Variants in GRAMD1A observed in about 807,000 individuals in gnomAD.
The protein encoded by GRAMD1A is protein Aster-A.
GRAMD1A carries 50 observed loss-of-function variants against 92.0 expected under a neutral mutation model. The observed-to-expected ratio is 0.54, with a 90% CI of 0.43 to 0.69. GRAMD1A has a LOEUF of 0.69. Among genes scored for constraint, GRAMD1A ranks in the 30% least tolerant of loss-of-function variants. The pLI, the probability that GRAMD1A is intolerant of heterozygous loss-of-function variation, is 0.00. For synonymous variants in GRAMD1A, 405 were observed against 403.6 expected (o/e 1.00, Z -0.04); for missense variants, 819 against 978.9 (o/e 0.84, Z 2.18).
chr19:35,022,082 CCTCCTGG>C, intron 16 of GRAMD1A, 44 bp downstream of exon 16: 1 of 1,429,016 alleles, frequency 7.0e-7, no homozygotes, highest in East Asian at 2.3e-5. Flanking sequence ...CCTGAACCTG[CCTCCTGG>C]CTGTGTGACC....
At chr19:35,025,660 C>T (rs1375042909) in intron 19 of GRAMD1A, among the ~76,000 whole-genome samples, 1 of 152,146 alleles carries the variant, frequency 6.6e-6, no homozygotes, top group Non-Finnish European at 1.5e-5. Context: ...GTGCTGAGCA[C>T]TTAGTGTACA....
chr19:35,003,160 G>GTGTT (rs2151700804), intron 1 of GRAMD1A, among the ~76,000 whole-genome samples: 1 of 113,414 alleles, frequency 8.8e-6, no homozygotes, highest in East Asian at 2.8e-4. Context: ...GTGTGTGTGT[G>GTGTT]TGTGTGTGTG....
chr19:35,006,036 A>G (rs1001967883), intron 1 of GRAMD1A: 3 of 454,446 alleles, frequency 6.6e-6, no homozygotes, highest in Middle Eastern at 3.2e-4. Context: ...GAAATAAACC[A>G]AGCCCATGGC....
At chr19:35,006,646 CCTGCGGGCT>C (rs1180001387) in intron 1 of GRAMD1A, among the ~76,000 whole-genome samples, 1 of 152,212 alleles carries the variant, frequency 6.6e-6, no homozygotes, top group Non-Finnish European at 1.5e-5. Context: ...GGGGCCATGT[CCTGCGGGCT>C]CTACTGATGC....
chr19:34,996,403 A>T, upstream of GRAMD1A: 1 of 828,386 alleles, frequency 1.2e-6, no homozygotes, highest in Non-Finnish European at 1.8e-6. Flanking sequence ...TTAGCCCCAC[A>T]GAGGGCTGAC....
At chr19:35,009,555 C>G in intron 3 of GRAMD1A, 112 bp downstream of exon 3, 2 of 1,082,670 alleles carry the variant, frequency 1.8e-6, no homozygotes, top group Non-Finnish European at 2.9e-6. Context: ...TGGGTGCAGA[C>G]CTAGGGTCAC....
intron 11 of GRAMD1A, among the ~76,000 whole-genome samples, chr19:35,016,324 C>T (rs973194691): frequency 4.0e-5 from 6 of 150,458 alleles, no homozygotes; most frequent in African/African-American, 1.2e-4. Context: ...GGGGCTGGTG[C>T]GGTGGTTCAC....
chr19:35,012,657 G>T (rs1275618285), intron 7 of GRAMD1A, among the ~76,000 whole-genome samples: 1 of 152,222 alleles, frequency 6.6e-6, no homozygotes, highest in Non-Finnish European at 1.5e-5. Context: ...CTGGGACTCC[G>T]TATGCTCTGT....
chr19:35,021,571 G>T lies in GRAMD1A; in HGVS notation c.1545G>T (p.Ser515=), dbSNP rs746737174. ...TGAAGTCGCTCATTGAGAAGAACTCGTGGAGCGGCATTGAAGACTATTTCC... is the reference window on the plus strand; with the variant it reads ...TGAAGTCGCTCATTGAGAAGAACTCTTGGAGCGGCATTGAAGACTATTTCC... ...SLVKSLIEKN[S]WSGIEDYFHH... is the part of the protein sequence containing the mutation. Residue 515 remains serine, a synonymous_variant, in exon 14 of 20, where the codon TCG becomes TCT. Coordinates refer to ENST00000317991, the MANE Select transcript of GRAMD1A (RefSeq NM_020895.5). The surrounding 1 kb of genome is among the most constrained non-coding windows in gnomAD (Gnocchi z 5.3). 3 of 1,614,058 alleles carry T rather than the reference G, an allele frequency of 1.9e-6. No homozygotes were observed. The Admixed American group carries it at 5.0e-5, about 27-fold the overall frequency.
chr19:35,017,701 C>T (rs574494411), intron 11 of GRAMD1A, among the ~76,000 whole-genome samples: 12 of 152,134 alleles, frequency 7.9e-5, no homozygotes, highest in Non-Finnish European at 1.8e-4. Context: ...CGACCCCTTC[C>T]TTCCTCAGTT....
chr19:35,005,100 A>C (rs948248063), intron 1 of GRAMD1A, among the ~76,000 whole-genome samples: 1 of 149,604 alleles, frequency 6.7e-6, no homozygotes, highest in African/African-American at 2.5e-5. Context: ...GCGGGGAAGG[A>C]GGGCCGATCA....
At chr19:35,024,347 C>T (rs2016290884) in intron 19 of GRAMD1A, among the ~76,000 whole-genome samples, 1 of 152,126 alleles carries the variant, frequency 6.6e-6, no homozygotes, top group Non-Finnish European at 1.5e-5. Flanking sequence ...AAAGCAGATG[C>T]CCAATAAATG....
At chr19:35,015,756 G>C (rs1015921834) in intron 10 of GRAMD1A, 68 bp from the exon 11 acceptor site, 3 of 1,490,424 alleles carry the variant, frequency 2.0e-6, no homozygotes, top group Non-Finnish European at 2.7e-6. Context: ...TGGGAGTGGG[G>C]AGGCGTGGCC....
chr19:35,012,738 C>T (rs4346305), intron 7 of GRAMD1A, among the ~76,000 whole-genome samples: 40,547 of 152,164 alleles, frequency 0.27, 6,004 homozygotes, highest in Middle Eastern at 0.43. Flanking sequence ...TAGACGAAGA[C>T]GGGCGGATCG....
chr19:35,010,765 G>T, intron 6 of GRAMD1A: 1 of 499,836 alleles, frequency 2.0e-6, no homozygotes, highest in Non-Finnish European at 3.5e-6. Flanking sequence ...CAGGTGTGGG[G>T]GACACTTCCC....
At chr19:35,003,143 CGTGTGTGTGTGT>C (rs60437273) in intron 1 of GRAMD1A, among the ~76,000 whole-genome samples, 5,353 of 141,150 alleles carry the variant, frequency 0.038, 150 homozygotes, top group East Asian at 0.15. Flanking sequence ...TTGCTCTGTG[CGTGTGTGTGTGT>C]GTGTGTGTGT....
intron 13 of GRAMD1A, 127 bp downstream of exon 13, chr19:35,019,660 G>A: frequency 1.1e-6 from 1 of 927,866 alleles, no homozygotes; most frequent in Non-Finnish European, 1.7e-6. Context: ...GGGTTCCTGA[G>A]GCCCTTGTCC....
intron 4 of GRAMD1A, 48 bp from the exon 5 acceptor site, chr19:35,010,044 T>A (rs1373218542): frequency 1.3e-6 from 2 of 1,534,102 alleles, no homozygotes; most frequent in South Asian, 1.1e-5. Flanking sequence ...GGGCGCCGGC[T>A]GAGCCTCGTG....
chr19:35,010,080 C>A lies in GRAMD1A; in HGVS notation c.326-12C>A. 1 of 1,585,864 alleles carries A rather than the reference C, an allele frequency of 6.3e-7. No individual in the cohort carries two copies. Among genetic ancestry groups the A allele is most frequent in the Non-Finnish European group, 8.7e-7 (1 of 1,154,214 alleles). On this transcript the variant is annotated splice_polypyrimidine_tract_variant and intron_variant, in intron 4 of 19. Coordinates refer to ENST00000317991, the MANE Select transcript of GRAMD1A (RefSeq NM_020895.5). ...ACTTGGGTGTCCTCCTGTCTCTCCC[C>A]GCCCCTCTCAGATTACTCCTGCGCC...
Sources: allele counts gnomAD v4.1 joint callset (sites outside exome capture counted in the v4.1 genomes callset), GRCh38; gene constraint gnomAD v4.1.1; non-coding constraint Gnocchi (gnomAD v3.1); transcripts MANE v1.5; gene names NCBI Gene and HGNC (gene_info 2026-07-23, HGNC 2026-07-21).